Variants in PCDHGA6 observed in about 807,000 individuals in gnomAD.
The protein encoded by PCDHGA6 is protocadherin gamma subfamily A, 6.
Under a neutral mutation model 60.6 loss-of-function variants are expected in PCDHGA6, and 41 were observed. The observed-to-expected ratio is 0.68, with a 90% CI of 0.53 to 0.88. The LOEUF (loss-of-function observed/expected upper bound fraction) is 0.88. Ranked by LOEUF, PCDHGA6 falls within the 40% of genes least tolerant of loss-of-function variation. The pLI, the probability that PCDHGA6 is intolerant of heterozygous loss-of-function variation, is 0.00. For missense variants in PCDHGA6, 1,312 were observed against 1,203.0 expected, an observed-to-expected ratio of 1.09 and a Z score of -1.34; for synonymous variants, 594 against 524.4, an observed-to-expected ratio of 1.13 and a Z score of -1.81.
At chr5:141,419,022 G>A in intron 1 of PCDHGA6, 1 of 1,613,960 alleles carries the variant, frequency 6.2e-7, no homozygotes, top group Non-Finnish European at 8.5e-7. Flanking sequence ...AGCTTAAGTA[G>A]AGGTGTTCCA....
At chr5:141,383,731 A>C (rs373290954) in intron 1 of PCDHGA6, 4 of 1,613,882 alleles carry the variant, frequency 2.5e-6, no homozygotes, top group Non-Finnish European at 3.4e-6. Context: ...TGGGGAAGTG[A>C]CATATTCTTT....
chr5:141,401,285 T>TGAGCC (rs2094137060), intron 1 of PCDHGA6, among the ~76,000 whole-genome samples: 1 of 151,918 alleles, frequency 6.6e-6, no homozygotes, highest in Non-Finnish European at 1.5e-5. Context: ...GAGGTTGCGG[T>TGAGCC]GAGCCGAGAT....
rs1386912520 is a variant in PCDHGA6 at position 141,505,425 on chromosome 5, C to T, written c.2516C>T (p.Pro839Leu). 1.2e-6 allele frequency: 2 copies of T among 1,614,060 alleles called. No individual in the cohort carries two copies. The highest frequency in any genetic ancestry group is 1.7e-6 in the Non-Finnish European group (2 of 1,180,022). The change falls in exon 3 of 4, where the codon CCC becomes CTC. Residue 839 changes from proline to leucine, a missense_variant. Physicochemically the swap from Pro to Leu is moderately conservative, Grantham distance 98 (BLOSUM62 -3). Transcript: ENST00000517434. ...AATGGCGATGACACCGGCACCTGGC[C>T]CAACAACCAGTTTGACACAGAGATG... ...SQNGDDTGTW[P>L]NNQFDTEMLQ... is the part of the protein sequence containing the mutation.
chr5:141,436,277 T>G (rs2097806022), intron 1 of PCDHGA6, among the ~76,000 whole-genome samples: 1 of 152,194 alleles, frequency 6.6e-6, no homozygotes, highest in Non-Finnish European at 1.5e-5. Flanking sequence ...TAACTTGATT[T>G]AGGAACAAAT....
chr5:141,389,432 C>A (rs1007591817), intron 1 of PCDHGA6: 2 of 1,610,650 alleles, frequency 1.2e-6, no homozygotes, highest in Non-Finnish European at 8.5e-7. Flanking sequence ...TCGCGCAGCG[C>A]GCCTTCGACC....
chr5:141,403,241 G>C, intron 1 of PCDHGA6: 1 of 1,613,956 alleles, frequency 6.2e-7, no homozygotes. Flanking sequence ...GGAGCTCTGT[G>C]CTCAGAGCCC....
intron 1 of PCDHGA6, chr5:141,408,828 G>C: frequency 6.2e-7 from 1 of 1,613,614 alleles, no homozygotes; most frequent in East Asian, 2.2e-5. Context: ...AGATCTCATA[G>C]CTTGATATTG....
chr5:141,404,325 C>G (rs762306578), intron 1 of PCDHGA6: 7 of 1,613,876 alleles, frequency 4.3e-6, no homozygotes, highest in Non-Finnish European at 5.9e-6. Flanking sequence ...GCCTCCTACT[C>G]AGTCTACCTC....
intron 1 of PCDHGA6, among the ~76,000 whole-genome samples, chr5:141,380,425 G>A (rs1383419124): frequency 1.3e-5 from 2 of 152,192 alleles, no homozygotes; most frequent in Non-Finnish European, 1.5e-5. Context: ...AAGCCAAATA[G>A]ACTTTACATA....
In PCDHGA6 at chr5:141,511,067, C is replaced by T. The variant is rs760786015; in HGVS notation, c.2693C>T (p.Pro898Leu). The change falls in exon 4 of 4, where the codon CCA (proline) becomes CTA (leucine). Residue 898 changes from proline (P) to leucine (L), a missense_variant. Pro to Leu is a moderately conservative substitution (Grantham distance 98). Coordinates refer to ENST00000517434, the MANE Select transcript of PCDHGA6 (RefSeq NM_018919.3). ...VPDYRQNVYI[P>L]GSNATLTNAA... ...GACTACCGCCAGAATGTCTACATCC[C>T]AGGCAGCAATGCCACACTGACCAAC... 7.4e-6 allele frequency: 12 copies of T among 1,614,136 alleles called. No homozygotes were observed. Among genetic ancestry groups the T allele is most frequent in the African/African-American group, 1.3e-5 (1 of 74,942 alleles).
intron 1 of PCDHGA6, chr5:141,389,509 C>T: frequency 6.2e-7 from 1 of 1,613,118 alleles, no homozygotes; most frequent in Non-Finnish European, 8.5e-7. Flanking sequence ...GCGCTCAGCG[C>T]GAACGTGAGC....
In PCDHGA6 at chr5:141,490,211, ACCAGGGACAG is replaced by A. The variant is rs1259297201; in HGVS notation, c.2425-4593_2425-4584del. 1 of 1,614,212 alleles carries A rather than the reference ACCAGGGACAG, an allele frequency of 6.2e-7. No individual in the cohort carries two copies. ...TATGAAATTCATGCAAGAGCCCGTG[ACCAGGGACAG>A]CCTGCCATGGAGGGCCACTGTGTGA... is the stretch of plus-strand genomic sequence containing the variant. On this transcript the variant is annotated intron_variant, in intron 1 of 3. Transcript: ENST00000517434. The surrounding 1 kb of genome is among the most constrained non-coding windows in gnomAD (Gnocchi z 5.4).
Position 141,389,835 on chromosome 5 carries a change from C to T in PCDHGA6, c.2424+13328C>T, listed in dbSNP as rs1238547778. 4.3e-6 allele frequency: 7 copies of T among 1,614,002 alleles called. No homozygotes were observed. The South Asian group carries it at 7.7e-5, about 18-fold the overall frequency. On this transcript the variant is annotated intron_variant, in intron 1 of 3. Transcript: ENST00000517434. ...CGCCGTGCGTGACGGTGGACAGCCA[C>T]CACTCTCGGCCACTGCCACGTTGCA...
chr5:141,446,821 T>C lies in PCDHGA6; in HGVS notation c.2425-47986T>C, dbSNP rs183143971. ...CATTGTGATCATCTAGTCAGATGGG[T>C]AGATCCTTATAAGGCTGAGCATAAT... On this transcript the variant is annotated intron_variant, in intron 1 of 3. Coordinates refer to ENST00000517434, the MANE Select transcript of PCDHGA6 (RefSeq NM_018919.3). 1.6e-3 allele frequency among the ~76,000 whole-genome samples: 244 copies of C among 152,302 alleles called. 2 individuals carry two copies. The highest frequency in any genetic ancestry group is 5.4e-3 in the African/African-American group (223 of 41,572).
At position 141,487,700 on chromosome 5, in the gene PCDHGA6, C is replaced by A; in HGVS notation, c.2425-7107C>A. On this transcript the variant is annotated intron_variant, in intron 1 of 3. Coordinates refer to ENST00000517434, the MANE Select transcript of PCDHGA6 (RefSeq NM_018919.3). This position sits in a 1 kb window ranked among gnomAD's most constrained non-coding sequence, Gnocchi z 5.0. ...AGGCCATGTCCTAGAGAGTACTGGCCTCTCAGTAAGTGCCCATAGTGATGT... is the reference window on the plus strand; with the variant it reads ...AGGCCATGTCCTAGAGAGTACTGGCATCTCAGTAAGTGCCCATAGTGATGT... The A allele has an allele frequency of 6.3e-7, 1 of 1,597,514 alleles. No homozygotes were observed. Among genetic ancestry groups the A allele is most frequent in the African/African-American group, 1.3e-5 (1 of 74,868 alleles).
At chr5:141,444,813 T>A (rs1382814369) in intron 1 of PCDHGA6, among the ~76,000 whole-genome samples, 3 of 152,228 alleles carry the variant, frequency 2.0e-5, no homozygotes, top group African/African-American at 4.8e-5. Flanking sequence ...AATAGCACAC[T>A]GTCTCAATTA....
Position 141,491,819 on chromosome 5 carries a change from G to C in PCDHGA6, c.2425-2988G>C. The C allele has an allele frequency of 6.7e-7, 1 of 1,482,028 alleles. No individual in the cohort carries two copies. Among genetic ancestry groups the C allele is most frequent in the Non-Finnish European group, 9.0e-7 (1 of 1,116,648 alleles). The allele number at this position is 1,482,028 out of a possible 1,614,324, so 91.8% of individuals were successfully genotyped here. A position where few individuals can be genotyped will look rare whatever the true frequency, so the allele number is the denominator to read the frequency against. On this transcript the variant is annotated intron_variant, in intron 1 of 3. Transcript: ENST00000517434. This position sits in a 1 kb window ranked among gnomAD's most constrained non-coding sequence, Gnocchi z 6.9. ...TCCGGCCGGCTTGGTCGCTGGCTGCGCTCCACCCGATTCTCGGGATCATTG... is the reference window on the plus strand; with the variant it reads ...TCCGGCCGGCTTGGTCGCTGGCTGCCCTCCACCCGATTCTCGGGATCATTG...
chr5:141,432,088 AGACACCAAC>A lies in PCDHGA6; in HGVS notation c.2424+55586_2424+55594del, dbSNP rs1561857611. 6.2e-7 allele frequency: 1 copy of A among 1,614,148 alleles called. No individual in the cohort carries two copies. Among genetic ancestry groups the A allele is most frequent in the Admixed American group, 1.7e-5 (1 of 60,024 alleles). ...AAACTCATATCTCGCTGAACGTGGC[AGACACCAAC>A]GACAACCCGCCGGTCTTCCCTCAGG... is the stretch of plus-strand genomic sequence containing the variant. On this transcript the variant is annotated intron_variant, in intron 1 of 3. Transcript: ENST00000517434. This position sits in a 1 kb window ranked among gnomAD's most constrained non-coding sequence, Gnocchi z 6.0.
chr5:141,501,475 G>A (rs1305778190), intron 2 of PCDHGA6, among the ~76,000 whole-genome samples: 5 of 152,014 alleles, frequency 3.3e-5, no homozygotes, highest in Admixed American at 3.3e-4. Flanking sequence ...AATCCTGGAA[G>A]AGTCCCTCAT....
Sources: allele counts gnomAD v4.1 joint callset (sites outside exome capture counted in the v4.1 genomes callset), GRCh38; gene constraint gnomAD v4.1.1; non-coding constraint Gnocchi (gnomAD v3.1); transcripts MANE v1.5; gene names NCBI Gene and HGNC (gene_info 2026-07-23, HGNC 2026-07-21).